The following IL13RA1 variants were observed in gnomAD, a reference collection of about 807,000 sequenced individuals.
The protein encoded by IL13RA1 is interleukin-13 receptor subunit alpha-1.
A neutral mutation model predicts 33.8 loss-of-function variants in IL13RA1; 14 were observed. The ratio of observed to expected loss-of-function variants is 0.41; its 90% CI spans 0.27 to 0.65. The LOEUF (loss-of-function observed/expected upper bound fraction) is 0.65, where lower values mean the gene tolerates loss of function less well. Ranked by LOEUF, IL13RA1 falls within the 30% of genes least tolerant of loss-of-function variation. IL13RA1 has a pLI of 0.28. For missense variants in IL13RA1, 313 were observed against 327.0 expected (o/e 0.96, Z 0.33); for synonymous variants, 116 against 115.7 (o/e 1.00, Z -0.02).
At chrX:118,750,657 A>G (rs749460372) in intron 4 of IL13RA1, among the ~76,000 whole-genome samples, 3 of 111,074 alleles carry the variant, frequency 2.7e-5, no homozygotes, top group Non-Finnish European at 5.7e-5. Context: ...GCTGGGTCAT[A>G]TAGTAATGGC....
intron 8 of IL13RA1, chrX:118,770,118 C>A: frequency 7.5e-6 from 2 of 266,788 alleles, no homozygotes; most frequent in South Asian, 3.4e-5. Context: ...CCTGTGTACC[C>A]CTACTACGTG....
intron 8 of IL13RA1, chrX:118,769,902 T>C (rs144208073): frequency 2.6e-4 from 39 of 149,003 alleles, no homozygotes; most frequent in African/African-American, 1.2e-3. Flanking sequence ...AGCATTAGGC[T>C]GCAGCTCTTC....
intron 10 of IL13RA1, among the ~76,000 whole-genome samples, chrX:118,786,305 T>C (rs949753370): frequency 9.2e-6 from 1 of 108,457 alleles, no homozygotes; most frequent in Non-Finnish European, 1.9e-5. Context: ...GCAAGGAGAA[T>C]CGCTTGAACC....
chrX:118,735,095 A>G (rs1327627571), intron 1 of IL13RA1, among the ~76,000 whole-genome samples: 1 of 110,188 alleles, frequency 9.1e-6, no homozygotes, highest in Non-Finnish European at 1.9e-5. Flanking sequence ...ACTCTCTTAT[A>G]ACCCTTTTTA....
chrX:118,771,256 C>T (rs1050277392), intron 8 of IL13RA1, among the ~76,000 whole-genome samples: 6 of 104,620 alleles, frequency 5.7e-5, no homozygotes, highest in African/African-American at 1.8e-4. Flanking sequence ...TGGTTCCTGA[C>T]GCTAAGGCTA....
rs61662256 is a variant in IL13RA1, at chrX:118,755,384, AT to A, written c.489-2657del. Among the ~76,000 whole-genome samples, 839 of 101,017 alleles carry A rather than the reference AT, an allele frequency of 8.3e-3. 26 individuals are homozygous for A. In the East Asian group the frequency reaches 0.11, roughly 14 times the overall value. The allele number at this position is 101,017 out of a possible 115,157, so 87.7% of individuals were successfully genotyped here. ...CTAGTCATGCCAGCGAATTTTAGGG[AT>A]TTTTTTTTTTTTTACCACATTAATC... On this transcript the variant is annotated intron_variant, in intron 4 of 10. Transcript: ENST00000371666.
At chrX:118,797,362 A>G (rs1032451209), downstream of IL13RA1, among the ~76,000 whole-genome samples, 2 of 112,651 alleles carry the variant, frequency 1.8e-5, no homozygotes, top group Admixed American at 1.9e-4. Context: ...GGAAGAACAA[A>G]GGAATTAATA....
chrX:118,761,971 T>TG (rs1253986191), intron 6 of IL13RA1, among the ~76,000 whole-genome samples: 2 of 112,472 alleles, frequency 1.8e-5, no homozygotes, highest in Non-Finnish European at 3.8e-5. Context: ...CATCAGATCT[T>TG]GCGGACACTT....
chrX:118,734,410 C>G (rs1302926160), intron 1 of IL13RA1, among the ~76,000 whole-genome samples: 2 of 111,917 alleles, frequency 1.8e-5, no homozygotes, highest in African/African-American at 6.5e-5. Context: ...ATTCCTGACC[C>G]TAAAGGAAAA....
At chrX:118,798,703 G>A (rs190614233), downstream of IL13RA1, among the ~76,000 whole-genome samples, 23 of 112,551 alleles carry the variant, frequency 2.0e-4, no homozygotes, top group East Asian at 6.1e-3. Flanking sequence ...CCTTAGAAAG[G>A]TTGCATGGGA....
In IL13RA1 at chrX:118,761,175, C is replaced by A; in HGVS notation, c.714C>A (p.Phe238Leu). ...CTCCACATATTAAAAACCTCTCCTT[C>A]CACAATGATGACCTATATGTGCAAT... ...PDPPHIKNLS[F>L]HNDDLYVQWE... Residue 238 changes from phenylalanine to leucine, a missense_variant, in exon 6 of 11, where the codon TTC (phenylalanine) becomes TTA (leucine). Physicochemically the swap from Phe to Leu is conservative, Grantham distance 22. Coordinates refer to ENST00000371666, the MANE Select transcript of IL13RA1 (RefSeq NM_001560.3). 1 of 1,017,412 alleles carries A rather than the reference C, an allele frequency of 9.8e-7. No homozygotes were observed. Among genetic ancestry groups the A allele is most frequent in the Non-Finnish European group, 1.4e-6 (1 of 738,912 alleles). The allele number at this position is 1,017,412 out of a possible 1,213,427, so 83.8% of individuals were successfully genotyped here. A position where few individuals can be genotyped will look rare whatever the true frequency, so the allele number is the denominator to read the frequency against.
chrX:118,788,778 T>A (rs1482048966), intron 10 of IL13RA1, among the ~76,000 whole-genome samples: 1 of 111,890 alleles, frequency 8.9e-6, no homozygotes, highest in Non-Finnish European at 1.9e-5. Context: ...GTATTAATAT[T>A]TTATTACTGT....
chrX:118,748,064 AAC>A (rs1217825615), intron 3 of IL13RA1, among the ~76,000 whole-genome samples: 5 of 102,261 alleles, frequency 4.9e-5, no homozygotes, highest in Non-Finnish European at 7.8e-5. Flanking sequence ...ATATATATAT[AAC>A]ACATATATAT....
chrX:118,728,291 A>G (rs1273906867), intron 1 of IL13RA1, among the ~76,000 whole-genome samples: 1 of 112,478 alleles, frequency 8.9e-6, no homozygotes, highest in East Asian at 2.8e-4. Flanking sequence ...TCCTTGTTGA[A>G]AAAGGACGTG....
downstream of IL13RA1, among the ~76,000 whole-genome samples, chrX:118,797,621 A>G (rs5957061): frequency 0.03 from 3,374 of 112,262 alleles, 147 homozygotes; most frequent in African/African-American, 0.1. Flanking sequence ...GGAAAAAGGA[A>G]CTTTGCAGAT....
intron 10 of IL13RA1, among the ~76,000 whole-genome samples, chrX:118,786,403 A>T (rs1299589206): frequency 9.0e-6 from 1 of 110,637 alleles, no homozygotes; most frequent in Non-Finnish European, 1.9e-5. Context: ...AAAAAAAAAA[A>T]ATTATTATTT....
chrX:118,775,094 CTAGGAGGTGA>C (rs1243361278), intron 9 of IL13RA1, among the ~76,000 whole-genome samples: 2 of 110,755 alleles, frequency 1.8e-5, no homozygotes, highest in Admixed American at 9.6e-5. Context: ...TGGGGTATGG[CTAGGAGGTGA>C]TAGGAGGTGC....
At chrX:118,733,913 C>A (rs1428093201) in intron 1 of IL13RA1, among the ~76,000 whole-genome samples, 2 of 111,793 alleles carry the variant, frequency 1.8e-5, no homozygotes, top group Non-Finnish European at 3.8e-5. Flanking sequence ...TTGTCAAAAT[C>A]ATTTGACCAT....
intron 4 of IL13RA1, among the ~76,000 whole-genome samples, chrX:118,751,569 A>G (rs2017470061): frequency 9.0e-6 from 1 of 110,698 alleles, no homozygotes; most frequent in African/African-American, 3.3e-5. Flanking sequence ...GCTTTGATGA[A>G]GGAGGAAGAC....
Sources: gnomAD v4.1 joint callset for allele counts (sites outside exome capture counted in the v4.1 genomes callset) on GRCh38, gnomAD v4.1.1 for gene constraint, MANE v1.5 for transcripts, NCBI Gene and HGNC (gene_info 2026-07-23, HGNC 2026-07-21) for gene names.